Variants in FKBP5 observed in about 807,000 individuals in gnomAD.
FKBP5 encodes peptidyl-prolyl cis-trans isomerase FKBP5.
A neutral mutation model predicts 50.5 loss-of-function variants in FKBP5; 23 were observed. The observed-to-expected ratio is 0.46, with a 90% CI of 0.33 to 0.65. FKBP5 has a LOEUF of 0.65. FKBP5 is among the 30% of genes least tolerant of loss of function. The pLI, the probability that FKBP5 is intolerant of heterozygous loss-of-function variation, is 0.02. For missense variants in FKBP5, 411 were observed against 553.1 expected (o/e 0.74, Z 2.58); for synonymous variants, 176 against 190.6 (o/e 0.92, Z 0.63).
At chr6:35,701,245 T>G (rs1370744305) in intron 2 of FKBP5, among the ~76,000 whole-genome samples, 1 of 149,832 alleles carries the variant, frequency 6.7e-6, no homozygotes, top group African/African-American at 2.4e-5. Context: ...TTTTTGTTTT[T>G]TTGTTTTTTT....
chr6:35,685,843 A>G (rs750140156), intron 1 of FKBP5, among the ~76,000 whole-genome samples: 1 of 152,076 alleles, frequency 6.6e-6, no homozygotes, highest in Non-Finnish European at 1.5e-5. Flanking sequence ...TTAGCCGGAC[A>G]TGGTGGCGCA....
At chr6:35,606,542 C>CCCAGCTACT (rs2150969356) in intron 5 of FKBP5, among the ~76,000 whole-genome samples, 1 of 151,378 alleles carries the variant, frequency 6.6e-6, no homozygotes, top group Admixed American at 6.6e-5. Flanking sequence ...CGCCTGTAGT[C>CCCAGCTACT]CCAGCTACTC....
At chr6:35,664,547 C>T (rs1460325664) in intron 1 of FKBP5, among the ~76,000 whole-genome samples, 1 of 152,154 alleles carries the variant, frequency 6.6e-6, no homozygotes, top group Non-Finnish European at 1.5e-5. Context: ...GAAAGGTAGG[C>T]TGCAGTAACA....
intron 3 of FKBP5, among the ~76,000 whole-genome samples, chr6:35,633,955 A>T (rs1764236846): frequency 6.6e-6 from 1 of 152,176 alleles, no homozygotes; most frequent in Non-Finnish European, 1.5e-5. Context: ...CAGAGGTACA[A>T]AGTCAACTGA....
intron 2 of FKBP5, among the ~76,000 whole-genome samples, chr6:35,713,555 CAT>C (rs1040087619): frequency 1.2e-4 from 19 of 152,302 alleles, no homozygotes; most frequent in South Asian, 4.2e-4. Flanking sequence ...ACAGCTGTGA[CAT>C]ATGCTCTAAG....
intron 2 of FKBP5, among the ~76,000 whole-genome samples, chr6:35,707,500 C>T (rs1014719055): frequency 1.6e-4 from 25 of 152,092 alleles, no homozygotes; most frequent in Middle Eastern, 3.4e-3. Context: ...GGATTACAGG[C>T]GTGAGCCACC....
At chr6:35,683,085 T>TA (rs960356923) in intron 1 of FKBP5, among the ~76,000 whole-genome samples, 14 of 146,720 alleles carry the variant, frequency 9.5e-5, no homozygotes, top group South Asian at 6.5e-4. Flanking sequence ...GCTCTTTCTT[T>TA]AAAAAAAAAA....
At position 35,637,726 on chromosome 6, in the gene FKBP5, T is replaced by C. The variant is rs558815327; in HGVS notation, c.106-568A>G. Among the ~76,000 whole-genome samples the C allele has an allele frequency of 2.0e-4, 31 of 152,188 alleles. 1 individual carries two copies. In the East Asian group the frequency reaches 6.0e-3, roughly 29 times the overall value. On this transcript the variant is annotated intron_variant, in intron 2 of 10. Transcript: ENST00000357266. ...ATCCACCCGCCTCAGCCTCCCAAAGTGCTGGGATTACAAGCATGAGCCACC... is the reference window on the plus strand; with the variant it reads ...ATCCACCCGCCTCAGCCTCCCAAAGCGCTGGGATTACAAGCATGAGCCACC...
Position 35,598,229 on chromosome 6 carries a change from A to G in FKBP5, c.509-825T>C, listed in dbSNP as rs116784612. 7.4e-3 allele frequency among the ~76,000 whole-genome samples: 1,124 copies of G among 152,258 alleles called. 12 individuals carry two copies. Among genetic ancestry groups the G allele is most frequent in the African/African-American group, 0.023 (972 of 41,562 alleles). ...GATATCTATTTTTTCTTGATGAGTTAGACTTTTTTGAGACGCAGTCTTGCT... is the reference window on the plus strand; with the variant it reads ...GATATCTATTTTTTCTTGATGAGTTGGACTTTTTTGAGACGCAGTCTTGCT... On this transcript the variant is annotated intron_variant, in intron 5 of 10. Transcript: ENST00000357266.
chr6:35,586,149 G>A (rs892604836), intron 8 of FKBP5: 2 of 984,730 alleles, frequency 2.0e-6, no homozygotes, highest in African/African-American at 3.5e-5. Context: ...TTGACATGGA[G>A]AAGGCATATA....
rs190964415 is a variant in FKBP5, at chr6:35,584,155, C to T, written c.840+2879G>A. ...GGGCAAAAATCGTGTCTGTTTAACT[C>T]GCTTGCACAATGCCTGGCTTAATAT... is the stretch of plus-strand genomic sequence containing the variant. On this transcript the variant is annotated intron_variant, in intron 8 of 10. Coordinates refer to ENST00000357266, the MANE Select transcript of FKBP5 (RefSeq NM_004117.4). 1.6e-3 allele frequency: 1,611 copies of T among 985,388 alleles called. 1 individual carries two copies. Among genetic ancestry groups the T allele is most frequent in the Non-Finnish European group, 1.8e-3 (1,522 of 829,920 alleles). The allele number at this position is 985,388 out of a possible 1,614,324, so 61.0% of individuals were successfully genotyped here. A position where few individuals can be genotyped will look rare whatever the true frequency, so the allele number is the denominator to read the frequency against.
intron 1 of FKBP5, among the ~76,000 whole-genome samples, chr6:35,669,296 T>C (rs1023143265): frequency 2.0e-5 from 3 of 152,240 alleles, no homozygotes; most frequent in Non-Finnish European, 4.4e-5. Flanking sequence ...CCAGCTGTTT[T>C]GTTTCTTGAA....
chr6:35,623,077 C>T (rs937121947), intron 3 of FKBP5, among the ~76,000 whole-genome samples: 6 of 151,914 alleles, frequency 3.9e-5, no homozygotes, highest in Admixed American at 1.3e-4. Context: ...CCCATCTCCA[C>T]TAAAAATACA....
chr6:35,693,510 C>CTTCT (rs1413869293), upstream of FKBP5, among the ~76,000 whole-genome samples: 2 of 147,292 alleles, frequency 1.4e-5, no homozygotes, highest in Non-Finnish European at 3.0e-5. Flanking sequence ...CCCTCCCTCC[C>CTTCT]TTCTTTCTTT....
At chr6:35,727,979 G>C (rs1766753632) in intron 1 of FKBP5, among the ~76,000 whole-genome samples, 1 of 152,198 alleles carries the variant, frequency 6.6e-6, no homozygotes, top group Non-Finnish European at 1.5e-5. Flanking sequence ...GAGGTTGCTC[G>C]CCAACCCCTG....
intron 1 of FKBP5, among the ~76,000 whole-genome samples, chr6:35,681,860 A>AT (rs1281296223): frequency 1.3e-5 from 2 of 152,218 alleles, no homozygotes; most frequent in African/African-American, 4.8e-5. Context: ...ATACACACAC[A>AT]TACATAAGCT....
At chr6:35,715,470 T>C (rs912502154) in intron 2 of FKBP5, among the ~76,000 whole-genome samples, 3 of 152,254 alleles carry the variant, frequency 2.0e-5, no homozygotes, top group Admixed American at 2.0e-4. Flanking sequence ...AGTGCCATTA[T>C]TGCCAGCACT....
At chr6:35,726,560 A>G (rs1174003586) in intron 1 of FKBP5, among the ~76,000 whole-genome samples, 1 of 151,650 alleles carries the variant, frequency 6.6e-6, no homozygotes, top group East Asian at 1.9e-4. Context: ...ACACACACAC[A>G]CACACACACA....
intron 7 of FKBP5, among the ~76,000 whole-genome samples, chr6:35,588,870 A>G (rs1421424356): frequency 6.7e-6 from 1 of 149,578 alleles, no homozygotes; most frequent in Non-Finnish European, 1.5e-5. Flanking sequence ...CCTCCTGAGT[A>G]GCTGGAAATA....
Sources: allele counts gnomAD v4.1 joint callset (sites outside exome capture counted in the v4.1 genomes callset), GRCh38; gene constraint gnomAD v4.1.1; transcripts MANE v1.5; gene names NCBI Gene and HGNC (gene_info 2026-07-23, HGNC 2026-07-21).